The following TPTE variants were observed in gnomAD, a reference collection of about 807,000 sequenced individuals.
The protein encoded by TPTE is putative tyrosine-protein phosphatase TPTE.
TPTE carries 59 observed loss-of-function variants against 84.1 expected under a neutral mutation model. That is an observed-to-expected ratio of 0.70 (90% CI 0.57 to 0.87). TPTE has a LOEUF of 0.87. Ranked by LOEUF, TPTE falls within the 40% of genes least tolerant of loss-of-function variation. The probability of loss-of-function intolerance (pLI) is 0.00; values close to 1 mark genes in which losing one functional copy is unlikely to be tolerated. For missense variants in TPTE, 382 were observed against 659.6 expected (o/e 0.58, Z 4.61); for synonymous variants, 130 against 223.5 (o/e 0.58, Z 3.73).
At chr21:10,583,911 T>G (rs1443406366) in intron 17 of TPTE, among the ~76,000 whole-genome samples, 1 of 152,430 alleles carries the variant, frequency 6.6e-6, no homozygotes, top group East Asian at 1.9e-4. Flanking sequence ...TTACTGTAGC[T>G]TTCTAATATG....
intron 7 of TPTE, among the ~76,000 whole-genome samples, chr21:10,552,096 C>T (rs7276865): frequency 0.091 from 13,448 of 147,596 alleles, 5 homozygotes; most frequent in African/African-American, 0.22. Context: ...ATGGAGGCAA[C>T]GCCCTCCACC....
intron 17 of TPTE, among the ~76,000 whole-genome samples, chr21:10,581,088 T>G (rs2075263264): frequency 1.3e-5 from 2 of 152,312 alleles, no homozygotes; most frequent in African/African-American, 4.8e-5. Flanking sequence ...TTTGTCTTAT[T>G]GACTAGTTTC....
At position 10,559,530 on chromosome 21, in the gene TPTE, A is replaced by T; in HGVS notation, c.270A>T (p.Ser90=). 1 of 1,612,090 alleles carries T rather than the reference A, an allele frequency of 6.2e-7. No homozygotes were observed. Among genetic ancestry groups the T allele is most frequent in the East Asian group, 2.2e-5 (1 of 44,894 alleles). Residue 90 remains serine (S), a synonymous_variant, in exon 9 of 24, where the codon TCA becomes TCT. Transcript: ENST00000618007. ...KIKKIVHSIV[S]SFAFGLFGVF... ...AGAAAATTGTGCATTCAATTGTATC[A>T]TCCTTTGCATTTGGGTATGTGAGAC...
intron 23 of TPTE, among the ~76,000 whole-genome samples, chr21:10,604,039 A>G (rs1028467317): frequency 6.6e-6 from 1 of 152,310 alleles, no homozygotes; most frequent in African/African-American, 2.4e-5. Flanking sequence ...GGACCTAGGG[A>G]GGCTTCAGCT....
At chr21:10,571,690 A>T (rs1447658194) in intron 14 of TPTE, among the ~76,000 whole-genome samples, 1 of 152,310 alleles carries the variant, frequency 6.6e-6, no homozygotes, top group Non-Finnish European at 1.5e-5. Context: ...TGTGGAGCTG[A>T]AGAATTTAAG....
intron 17 of TPTE, among the ~76,000 whole-genome samples, chr21:10,590,114 T>C (rs868142140): frequency 3.1e-3 from 466 of 150,904 alleles, no homozygotes; most frequent in Non-Finnish European, 4.5e-3. Context: ...TCAGTTATAT[T>C]AACGTACTAA....
At chr21:10,549,529 C>G (rs1469256659) in intron 7 of TPTE, among the ~76,000 whole-genome samples, 1 of 152,288 alleles carries the variant, frequency 6.6e-6, no homozygotes, top group Non-Finnish European at 1.5e-5. Context: ...GCCCTAAGAG[C>G]TAAACAGTTC....
intron 14 of TPTE, chr21:10,576,547 T>C (rs7281785): frequency 0.066 from 9,222 of 139,930 alleles, no homozygotes; most frequent in African/African-American, 0.17. Context: ...TGTTCATCTT[T>C]TTGACTTATT....
At chr21:10,562,872 T>A (rs902763357) in intron 10 of TPTE, among the ~76,000 whole-genome samples, 1 of 152,308 alleles carries the variant, frequency 6.6e-6, no homozygotes, top group Non-Finnish European at 1.5e-5. Context: ...ATCCCAAACC[T>A]ACAGAAAGAT....
chr21:10,592,686 G>A (rs1338447559), intron 19 of TPTE, among the ~76,000 whole-genome samples: 1 of 152,310 alleles, frequency 6.6e-6, no homozygotes, highest in Admixed American at 6.5e-5. Context: ...ACTCTGAAGT[G>A]TGTCTAAAAT....
At chr21:10,545,726 G>GATAT (rs1283045686) in intron 7 of TPTE, among the ~76,000 whole-genome samples, 1 of 151,728 alleles carries the variant, frequency 6.6e-6, no homozygotes, top group Non-Finnish European at 1.5e-5. Context: ...AATATATATA[G>GATAT]ATATATAAAT....
rs151187299 is a variant in TPTE at position 10,565,231 on chromosome 21, C to T, written c.447-2439C>T. Among the ~76,000 whole-genome samples, 7 of 152,422 alleles carry T rather than the reference C, an allele frequency of 4.6e-5. No individual in the cohort carries two copies. The East Asian group carries it at 1.3e-3, about 29-fold the overall frequency. ...TCAACAGTGAACCATTTGGAAAGGA[C>T]ATTTAAAAAGTGGTCCTATATACAA... On this transcript the variant is annotated intron_variant, in intron 10 of 23. Coordinates refer to ENST00000618007, the MANE Select transcript of TPTE (RefSeq NM_199261.4).
chr21:10,522,903 A>T (rs1382370779), intron 1 of TPTE, among the ~76,000 whole-genome samples: 3 of 152,298 alleles, frequency 2.0e-5, no homozygotes, highest in African/African-American at 7.2e-5. Flanking sequence ...TCTAGCGAGA[A>T]TATGAGTGTA....
At chr21:10,554,630 A>G (rs1444948362) in intron 8 of TPTE, among the ~76,000 whole-genome samples, 18 of 152,420 alleles carry the variant, frequency 1.2e-4, no homozygotes, top group African/African-American at 4.1e-4. Flanking sequence ...TTTTCACTAT[A>G]TAAAAGCATT....
chr21:10,539,074 G>C (rs1394118904), intron 4 of TPTE, among the ~76,000 whole-genome samples: 1 of 152,308 alleles, frequency 6.6e-6, no homozygotes, highest in Non-Finnish European at 1.5e-5. Flanking sequence ...TCATAAGAGA[G>C]CTGCTGCTTC....
chr21:10,570,883 C>T (rs2075028992), intron 14 of TPTE, among the ~76,000 whole-genome samples: 1 of 152,308 alleles, frequency 6.6e-6, no homozygotes, highest in South Asian at 2.1e-4. Context: ...ACTGGGTCAT[C>T]TGAGGACTGG....
chr21:10,549,297 AAC>A (rs1192032460), intron 7 of TPTE, among the ~76,000 whole-genome samples: 4 of 152,308 alleles, frequency 2.6e-5, no homozygotes, highest in African/African-American at 9.6e-5. Context: ...TCAATTTAGA[AAC>A]ACAGCAACCA....
rs370278673 is a variant in TPTE at position 10,561,055 on chromosome 21, C to G, written c.310C>G (p.Leu104Val). Residue 104 changes from leucine to valine, a missense_variant, in exon 10 of 24, where the codon CTG (leucine) becomes GTG (valine). Leu to Val is a conservative substitution (Grantham distance 32). Coordinates refer to ENST00000618007, the MANE Select transcript of TPTE (RefSeq NM_199261.4). ...FGLFGVFLVL[L>V]DVTLILADLI... ...ACTATTTGGAGTTTTCCTGGTCTTA[C>G]TGGATGTCACTCTCATCCTTGCCGA... is the stretch of plus-strand genomic sequence containing the variant. The G allele has an allele frequency of 3.1e-6, 5 of 1,612,050 alleles. No homozygotes were observed. The highest frequency in any genetic ancestry group is 4.2e-6 in the Non-Finnish European group (5 of 1,179,842).
chr21:10,534,109 C>T (rs1222461834), intron 3 of TPTE, among the ~76,000 whole-genome samples: 1 of 152,312 alleles, frequency 6.6e-6, no homozygotes. Context: ...AGTTTACACA[C>T]TAGGTTAGCT....
Sources: gnomAD v4.1 joint callset for allele counts (sites outside exome capture counted in the v4.1 genomes callset) on GRCh38, gnomAD v4.1.1 for gene constraint, MANE v1.5 for transcripts, NCBI Gene and HGNC (gene_info 2026-07-23, HGNC 2026-07-21) for gene names.